BAZ2B: variants seen among roughly 807,000 people sequenced by gnomAD.
The protein encoded by BAZ2B is bromodomain adjacent to zinc finger domain protein 2B.
A neutral mutation model predicts 246.0 loss-of-function variants in BAZ2B; 91 were observed. The observed-to-expected ratio is 0.37, with a 90% CI of 0.31 to 0.44. The LOEUF is 0.44. Ranked by LOEUF, BAZ2B falls within the 20% of genes least tolerant of loss-of-function variation. The pLI, the probability that BAZ2B is intolerant of heterozygous loss-of-function variation, is 1.00. For synonymous variants in BAZ2B, 855 were observed against 860.0 expected (o/e 0.99, Z 0.10); for missense variants, 2,332 against 2,533.7 (o/e 0.92, Z 1.71).
chr2:159,411,935 T>G (rs1202353545), intron 14 of BAZ2B: 1 of 985,214 alleles, frequency 1.0e-6, no homozygotes, highest in Non-Finnish European at 1.2e-6. Context: ...GACTGAAAAT[T>G]TACTCCACAG....
the BAZ2B span, chr2:159,694,540 A>G: frequency 6.6e-6 from 1 of 152,080 alleles, no homozygotes; most frequent in Non-Finnish European, 1.5e-5. Context: ...TTGTATCTCT[A>G]TGGATTTGCC....
At chr2:159,421,164 C>T (rs2068671865) in intron 13 of BAZ2B, among the ~76,000 whole-genome samples, 1 of 145,910 alleles carries the variant, frequency 6.9e-6, no homozygotes, top group African/African-American at 2.5e-5. Flanking sequence ...TACCCTATTT[C>T]TTTCTTTACA....
At chr2:159,368,339 C>G (rs771251858) in intron 27 of BAZ2B, among the ~76,000 whole-genome samples, 5 of 152,154 alleles carry the variant, frequency 3.3e-5, no homozygotes, top group Non-Finnish European at 5.9e-5. Flanking sequence ...AGGCATGAAC[C>G]AGTGCACCTG....
chr2:159,623,253 G>A, the BAZ2B span, among the ~76,000 whole-genome samples: 3 of 151,946 alleles, frequency 2.0e-5, no homozygotes, highest in Non-Finnish European at 2.9e-5. Context: ...ACCTGTAGTC[G>A]CAGGTACTTG....
chr2:159,681,593 T>C, the BAZ2B span, among the ~76,000 whole-genome samples: 12 of 152,314 alleles, frequency 7.9e-5, no homozygotes, highest in South Asian at 4.1e-4. Context: ...TTGGATAATA[T>C]ACAGTCAGGG....
At chr2:159,633,640 T>A in the BAZ2B span, among the ~76,000 whole-genome samples, 3 of 152,178 alleles carry the variant, frequency 2.0e-5, no homozygotes, top group Non-Finnish European at 4.4e-5. Context: ...CATATCTGAT[T>A]TTAAAAATTC....
chr2:159,691,407 T>G, the BAZ2B span, among the ~76,000 whole-genome samples: 3 of 152,202 alleles, frequency 2.0e-5, no homozygotes, highest in African/African-American at 7.2e-5. Context: ...ATATTTTTTA[T>G]GTTACATACA....
chr2:159,382,442 T>C (rs188622460), intron 25 of BAZ2B, 117 bp downstream of exon 25: 7 of 1,111,444 alleles, frequency 6.3e-6, no homozygotes, highest in East Asian at 2.6e-5. Context: ...ATGAGGAAAC[T>C]GAGGCAAGTA....
At chr2:159,483,016 G>C (rs1036743511) in intron 2 of BAZ2B, among the ~76,000 whole-genome samples, 1 of 152,080 alleles carries the variant, frequency 6.6e-6, no homozygotes, top group Non-Finnish European at 1.5e-5. Flanking sequence ...TTCATCTTGG[G>C]TTCCAAATGA....
intron 3 of BAZ2B, among the ~76,000 whole-genome samples, chr2:159,477,041 C>T (rs931275434): frequency 6.6e-6 from 1 of 152,176 alleles, no homozygotes; most frequent in East Asian, 1.9e-4. Flanking sequence ...CGCGGTGGCT[C>T]ACGCCTGTAA....
At chr2:159,537,348 G>A (rs190049746) in intron 2 of BAZ2B, among the ~76,000 whole-genome samples, 2 of 152,314 alleles carry the variant, frequency 1.3e-5, no homozygotes, top group Admixed American at 1.3e-4. Flanking sequence ...GGTGATGACC[G>A]TACACCAATG....
chr2:159,393,122 T>C (rs1162737877), intron 20 of BAZ2B, among the ~76,000 whole-genome samples: 1 of 152,048 alleles, frequency 6.6e-6, no homozygotes, highest in Non-Finnish European at 1.5e-5. Context: ...ACAAAAATGA[T>C]CAGAATATAG....
rs576363052 is a variant in BAZ2B, at chr2:159,347,975, C to T, written c.5294-329G>A. On this transcript the variant is annotated intron_variant, in intron 30 of 36. Transcript: ENST00000392783. ...TCTGTGGGGGATTGGTTCTAGGACC[C>T]CCTCTGCCCCCATGAATACCAAAAC... is the stretch of plus-strand genomic sequence containing the variant. Among the ~76,000 whole-genome samples, 170 of 152,140 alleles carry T rather than the reference C, an allele frequency of 1.1e-3. 1 individual carries two copies. The highest frequency in any genetic ancestry group is 1.9e-3 in the South Asian group (9 of 4,824).
intron 27 of BAZ2B, among the ~76,000 whole-genome samples, chr2:159,353,829 T>G (rs2058806207): frequency 6.6e-6 from 1 of 152,202 alleles, no homozygotes; most frequent in Non-Finnish European, 1.5e-5. Flanking sequence ...GTTCTAGTTC[T>G]GCCTGACAAA....
At chr2:159,487,295 T>C (rs1210660620) in intron 2 of BAZ2B, among the ~76,000 whole-genome samples, 2 of 152,158 alleles carry the variant, frequency 1.3e-5, no homozygotes, top group African/African-American at 4.8e-5. Flanking sequence ...ACCAACTACT[T>C]GTGTCAAGGA....
chr2:159,532,076 A>T (rs2085434426), intron 2 of BAZ2B, among the ~76,000 whole-genome samples: 1 of 152,150 alleles, frequency 6.6e-6, no homozygotes, highest in Admixed American at 6.5e-5. Flanking sequence ...TCCATTTAAC[A>T]ATCTGCCACA....
intron 31 of BAZ2B, among the ~76,000 whole-genome samples, chr2:159,342,967 G>C (rs1006966843): frequency 3.3e-5 from 5 of 152,154 alleles, no homozygotes; most frequent in Non-Finnish European, 7.4e-5. Context: ...AAGCAATCCT[G>C]AGTAACAAGA....
chr2:159,608,593 TAAAGAG>T (rs1694035925), intron 1 of BAZ2B, among the ~76,000 whole-genome samples: 3 of 152,054 alleles, frequency 2.0e-5, no homozygotes, highest in Non-Finnish European at 4.4e-5. Flanking sequence ...GATGAGATGC[TAAAGAG>T]CAGAGAAATA....
At chr2:159,354,846 G>A (rs2058928768) in intron 27 of BAZ2B, among the ~76,000 whole-genome samples, 1 of 152,186 alleles carries the variant, frequency 6.6e-6, no homozygotes, top group African/African-American at 2.4e-5. Flanking sequence ...AAGTAAGAGA[G>A]AAAATTGGAA....
Sources: allele counts gnomAD v4.1 joint callset (sites outside exome capture counted in the v4.1 genomes callset), GRCh38; gene constraint gnomAD v4.1.1; transcripts MANE v1.5; gene names NCBI Gene and HGNC (gene_info 2026-07-23, HGNC 2026-07-21).